Variants in ST6GALNAC3 observed in about 807,000 individuals in gnomAD.
ST6GALNAC3 encodes alpha-N-acetylgalactosaminide alpha-2,6-sialyltransferase 3.
A neutral mutation model predicts 32.7 loss-of-function variants in ST6GALNAC3; 25 were observed. The ratio of observed to expected loss-of-function variants is 0.76; its 90% confidence interval spans 0.56 to 1.07. The LOEUF is 1.07. Among genes scored for constraint, ST6GALNAC3 ranks in the 50% least tolerant of loss-of-function variants. The pLI is 0.00. For synonymous variants in ST6GALNAC3, 129 were observed against 133.1 expected, an observed-to-expected ratio of 0.97 and a Z score of 0.21; for missense variants, 355 against 382.4, an observed-to-expected ratio of 0.93 and a Z score of 0.60.
chr1:76,456,042 T>G (rs1251241446), intron 3 of ST6GALNAC3, among the ~76,000 whole-genome samples: 2 of 152,038 alleles, frequency 1.3e-5, no homozygotes, highest in African/African-American at 2.4e-5. Context: ...GAAGTTATTC[T>G]GCACCTGTAG....
At chr1:76,621,776 C>A (rs141536649) in intron 3 of ST6GALNAC3, among the ~76,000 whole-genome samples, 1 of 152,064 alleles carries the variant, frequency 6.6e-6, no homozygotes, top group South Asian at 2.1e-4. Context: ...GGAAAGAATG[C>A]TTTTAATTGA....
At chr1:76,356,692 A>C (rs1649480531) in intron 2 of ST6GALNAC3, among the ~76,000 whole-genome samples, 1 of 152,164 alleles carries the variant, frequency 6.6e-6, no homozygotes, top group African/African-American at 2.4e-5. Context: ...GAATACATCA[A>C]AAAGCATTCT....
intron 1 of ST6GALNAC3, among the ~76,000 whole-genome samples, chr1:76,305,371 G>A (rs1302939214): frequency 6.6e-6 from 1 of 152,096 alleles, no homozygotes; most frequent in African/African-American, 2.4e-5. Context: ...TATATTGAGT[G>A]TAGGCTTTGA....
intron 1 of ST6GALNAC3, among the ~76,000 whole-genome samples, chr1:76,158,729 G>A (rs1173369934): frequency 6.6e-6 from 1 of 152,074 alleles, no homozygotes; most frequent in Non-Finnish European, 1.5e-5. Context: ...AGGGAATGAG[G>A]GAATTGTCAG....
intron 1 of ST6GALNAC3, among the ~76,000 whole-genome samples, chr1:76,114,917 CAAA>C (rs542571151): frequency 3.8e-5 from 3 of 78,978 alleles, no homozygotes; most frequent in Admixed American, 1.3e-4. Context: ...GACCTTGTCT[CAAA>C]AAAAAAAAAA....
At chr1:76,455,054 A>G (rs1398667213) in intron 3 of ST6GALNAC3, among the ~76,000 whole-genome samples, 1 of 152,024 alleles carries the variant, frequency 6.6e-6, no homozygotes, top group Non-Finnish European at 1.5e-5. Context: ...TGGGAGATTT[A>G]CTTAAATATA....
chr1:76,536,028 A>G (rs1020224431), intron 3 of ST6GALNAC3, among the ~76,000 whole-genome samples: 8 of 152,146 alleles, frequency 5.3e-5, no homozygotes, highest in Non-Finnish European at 8.8e-5. Context: ...GCAAAATTCA[A>G]TTTGTGAATT....
chr1:76,387,683 A>G (rs1469007984), intron 2 of ST6GALNAC3, among the ~76,000 whole-genome samples: 3 of 152,186 alleles, frequency 2.0e-5, no homozygotes, highest in African/African-American at 7.2e-5. Flanking sequence ...AATAATAATT[A>G]AATTATAGCA....
chr1:76,365,344 G>A (rs770726141), intron 2 of ST6GALNAC3, among the ~76,000 whole-genome samples: 1 of 152,198 alleles, frequency 6.6e-6, no homozygotes, highest in Non-Finnish European at 1.5e-5. Context: ...GTGGTTGGGT[G>A]TGAGGGTTGA....
At chr1:76,524,774 T>C (rs1662761866) in intron 3 of ST6GALNAC3, among the ~76,000 whole-genome samples, 1 of 150,998 alleles carries the variant, frequency 6.6e-6, no homozygotes. Flanking sequence ...ACTCAAGCAA[T>C]ATTAAAAACA....
At chr1:76,422,318 A>T (rs921666027) in intron 3 of ST6GALNAC3, among the ~76,000 whole-genome samples, 1 of 152,040 alleles carries the variant, frequency 6.6e-6, no homozygotes, top group African/African-American at 2.4e-5. Flanking sequence ...GAAACAGTGC[A>T]ATTAAGTTAC....
At chr1:76,464,244 T>TA (rs1229991038) in intron 3 of ST6GALNAC3, among the ~76,000 whole-genome samples, 1 of 152,228 alleles carries the variant, frequency 6.6e-6, no homozygotes, top group Non-Finnish European at 1.5e-5. Flanking sequence ...TCAAAAGACT[T>TA]ACGTATTTGT....
At chr1:76,088,829 A>G (rs1178373485) in intron 1 of ST6GALNAC3, among the ~76,000 whole-genome samples, 3 of 152,238 alleles carry the variant, frequency 2.0e-5, no homozygotes, top group African/African-American at 4.8e-5. Flanking sequence ...AATTAATTTT[A>G]GGCAAAAAAA....
chr1:76,110,915 C>T (rs1647885615), intron 1 of ST6GALNAC3, among the ~76,000 whole-genome samples: 1 of 152,008 alleles, frequency 6.6e-6, no homozygotes, highest in Non-Finnish European at 1.5e-5. Context: ...CTTTTGTACA[C>T]AAGAAAGTAA....
intron 3 of ST6GALNAC3, among the ~76,000 whole-genome samples, chr1:76,536,040 A>G (rs968961495): frequency 4.6e-5 from 7 of 152,182 alleles, no homozygotes; most frequent in African/African-American, 1.7e-4. Context: ...TTGTGAATTT[A>G]TCTGCTATCT....
chr1:76,158,149 G>C (rs1004698846), intron 1 of ST6GALNAC3, among the ~76,000 whole-genome samples: 1 of 152,228 alleles, frequency 6.6e-6, no homozygotes, highest in Non-Finnish European at 1.5e-5. Context: ...CATCTGTGGG[G>C]TGGTTGTGAG....
At chr1:76,605,045 AACAT>A (rs1647431944) in intron 3 of ST6GALNAC3, among the ~76,000 whole-genome samples, 1 of 152,174 alleles carries the variant, frequency 6.6e-6, no homozygotes, top group Non-Finnish European at 1.5e-5. Context: ...ATTTCTTGTT[AACAT>A]GAAATAACAT....
intron 1 of ST6GALNAC3, among the ~76,000 whole-genome samples, chr1:76,264,867 T>G (rs1658440039): frequency 6.6e-6 from 1 of 151,650 alleles, no homozygotes; most frequent in Admixed American, 6.6e-5. Context: ...GATAAAGCCA[T>G]ACTTCAAGAT....
At chr1:76,283,149 G>A (rs115026048) in intron 1 of ST6GALNAC3, among the ~76,000 whole-genome samples, 2,134 of 152,168 alleles carry the variant, frequency 0.014, 49 homozygotes, top group African/African-American at 0.049. Context: ...AGAGTGCTCC[G>A]GAACAATGGT....
Sources: allele counts gnomAD v4.1 joint callset (sites outside exome capture counted in the v4.1 genomes callset), GRCh38; gene constraint gnomAD v4.1.1; transcripts MANE v1.5; gene names NCBI Gene and HGNC (gene_info 2026-07-23, HGNC 2026-07-21).